The following VSNL1 variants were observed in gnomAD, a reference collection of about 807,000 sequenced individuals.
VSNL1 encodes the protein visinin-like protein 1.
Under a neutral mutation model 20.4 loss-of-function variants are expected in VSNL1, and 6 were observed. That is an observed-to-expected ratio of 0.29 (90% confidence interval 0.16 to 0.58). VSNL1 has a LOEUF of 0.58. VSNL1 is among the 20% of genes least tolerant of loss of function. The pLI, the probability that VSNL1 is intolerant of heterozygous loss-of-function variation, is 0.90. For synonymous variants in VSNL1, 93 were observed against 86.4 expected (o/e 1.08, Z -0.42); for missense variants, 100 against 234.5 (o/e 0.43, Z 3.75).
intron 1 of VSNL1, among the ~76,000 whole-genome samples, chr2:17,578,379 G>A (rs1664267148): frequency 6.6e-6 from 1 of 152,174 alleles, no homozygotes; most frequent in African/African-American, 2.4e-5. Context: ...TTCAAACATA[G>A]GATTGTTTTG....
Position 17,563,751 on chromosome 2 carries a change from T to C in VSNL1, c.-6+22833T>C, listed in dbSNP as rs147455524. Reference sequence around the variant, plus strand: ...CTCAAAAAAAAGAAAAATACAGTTTTATTATAAAGTTAATATTAGATAATG... The same window carrying C: ...CTCAAAAAAAAGAAAAATACAGTTTCATTATAAAGTTAATATTAGATAATG... On this transcript the variant is annotated intron_variant, in intron 1 of 3. Coordinates refer to ENST00000295156, the MANE Select transcript of VSNL1 (RefSeq NM_003385.5). Among the ~76,000 whole-genome samples, 133 of 152,158 alleles carry C rather than the reference T, an allele frequency of 8.7e-4. 3 individuals carry two copies. The East Asian group carries it at 0.023, about 26-fold the overall frequency.
At chr2:17,604,377 G>T (rs1017584830) in intron 2 of VSNL1, among the ~76,000 whole-genome samples, 16 of 152,230 alleles carry the variant, frequency 1.1e-4, no homozygotes, top group African/African-American at 3.9e-4. Flanking sequence ...GCCTTTATCG[G>T]CAGAGGCCGA....
intron 2 of VSNL1, among the ~76,000 whole-genome samples, chr2:17,595,886 G>A (rs1337463505): frequency 6.6e-6 from 1 of 152,194 alleles, no homozygotes; most frequent in Non-Finnish European, 1.5e-5. Flanking sequence ...AGAATCTTTT[G>A]AGACTTGCTT....
At position 17,569,485 on chromosome 2, in the gene VSNL1, C is replaced by A. The variant is rs77474964; in HGVS notation, c.-5-22585C>A. Reference sequence around the variant, plus strand: ...TCCATGGTTTAATTTCTCTCCTACTCTCTGTCTTATCTCGCTTTGGAGCTA... The same window carrying A: ...TCCATGGTTTAATTTCTCTCCTACTATCTGTCTTATCTCGCTTTGGAGCTA... On this transcript the variant is annotated intron_variant, in intron 1 of 3. Transcript: ENST00000295156. Among the ~76,000 whole-genome samples, 846 of 152,052 alleles carry A rather than the reference C, an allele frequency of 5.6e-3. 8 individuals carry two copies. The highest frequency in any genetic ancestry group is 0.019 in the African/African-American group (794 of 41,500).
chr2:17,610,443 G>A (rs1468330551), intron 2 of VSNL1, among the ~76,000 whole-genome samples: 1 of 152,122 alleles, frequency 6.6e-6, no homozygotes, highest in Non-Finnish European at 1.5e-5. Context: ...TAACACTCAA[G>A]CCATATCTGA....
chr2:17,579,182 CTT>C (rs1438739198), intron 1 of VSNL1, among the ~76,000 whole-genome samples: 1 of 151,750 alleles, frequency 6.6e-6, no homozygotes, highest in East Asian at 1.9e-4. Context: ...GTGGTGCAAT[CTT>C]GGCTCACTGC....
chr2:17,614,809 G>A (rs1272516073), intron 2 of VSNL1, among the ~76,000 whole-genome samples: 1 of 152,238 alleles, frequency 6.6e-6, no homozygotes, highest in Non-Finnish European at 1.5e-5. Flanking sequence ...AGAGAGACCA[G>A]AAGCTTTGGG....
chr2:17,541,352 T>C (rs781608957), intron 1 of VSNL1: 3 of 152,210 alleles, frequency 2.0e-5, no homozygotes, highest in Non-Finnish European at 4.4e-5. Context: ...GCAAAGGTGT[T>C]TGCTAAGTAA....
At chr2:17,596,345 C>A (rs369974101) in intron 2 of VSNL1, among the ~76,000 whole-genome samples, 43 of 152,316 alleles carry the variant, frequency 2.8e-4, no homozygotes, top group African/African-American at 1.0e-3. Context: ...GAACCAAGTA[C>A]CTGATCACCC....
rs549842670 is a variant in VSNL1 at position 17,637,096 on chromosome 2, G to A, written c.163-12314G>A. ...TAGAGCTGGCTGTCCGGTTCCTTCC[G>A]GCCCCTCTTGCCCAGCTCTTCCCCT... On this transcript the variant is annotated intron_variant, in intron 2 of 3. Coordinates refer to ENST00000295156, the MANE Select transcript of VSNL1 (RefSeq NM_003385.5). Among the ~76,000 whole-genome samples, 6 of 152,144 alleles carry A rather than the reference G, an allele frequency of 3.9e-5. No homozygotes were observed. In the East Asian group the frequency reaches 5.8e-4, roughly 15 times the overall value.
At chr2:17,609,022 C>T (rs1665019086) in intron 2 of VSNL1, among the ~76,000 whole-genome samples, 1 of 152,080 alleles carries the variant, frequency 6.6e-6, no homozygotes, top group Non-Finnish European at 1.5e-5. Flanking sequence ...ATATTCAGTT[C>T]ATTGATGTGG....
At chr2:17,591,287 C>G (rs1417553296) in intron 1 of VSNL1, among the ~76,000 whole-genome samples, 1 of 152,174 alleles carries the variant, frequency 6.6e-6, no homozygotes. Context: ...TGCTCTGTCT[C>G]CCTACTCCCT....
intron 1 of VSNL1, chr2:17,541,360 T>C (rs954769700): frequency 1.3e-5 from 2 of 152,202 alleles, no homozygotes; most frequent in African/African-American, 4.8e-5. Flanking sequence ...GTTTGCTAAG[T>C]AAAACTGAGT....
intron 2 of VSNL1, among the ~76,000 whole-genome samples, chr2:17,622,248 TCACGCGTGTAATCCCAG>T (rs1212020378): frequency 2.0e-5 from 3 of 148,262 alleles, no homozygotes; most frequent in African/African-American, 7.5e-5. Flanking sequence ...GCATGGTGCC[TCACGCGTGTAATCCCAG>T]CACTTTGGGA....
chr2:17,612,760 A>C (rs534014125), intron 2 of VSNL1, among the ~76,000 whole-genome samples: 1 of 152,312 alleles, frequency 6.6e-6, no homozygotes, highest in African/African-American at 2.4e-5. Context: ...TGTTGCTGGA[A>C]GGGGACAGGC....
intron 1 of VSNL1, among the ~76,000 whole-genome samples, chr2:17,580,618 A>T (rs563772479): frequency 6.6e-6 from 1 of 152,322 alleles, no homozygotes; most frequent in African/African-American, 2.4e-5. Flanking sequence ...CATCTATACA[A>T]GTTCTATGAA....
At chr2:17,552,274 C>A (rs1001558233) in intron 1 of VSNL1, among the ~76,000 whole-genome samples, 2 of 151,050 alleles carry the variant, frequency 1.3e-5, no homozygotes, top group East Asian at 2.0e-4. Flanking sequence ...TACTTCATTA[C>A]TTACAGCTTT....
At chr2:17,633,765 T>C (rs1015935575) in intron 2 of VSNL1, among the ~76,000 whole-genome samples, 6 of 152,050 alleles carry the variant, frequency 3.9e-5, no homozygotes, top group Non-Finnish European at 7.4e-5. Flanking sequence ...CAGGGTATTG[T>C]CATTGCTCAG....
At chr2:17,588,446 TC>T (rs1182471034) in intron 1 of VSNL1, among the ~76,000 whole-genome samples, 2 of 152,124 alleles carry the variant, frequency 1.3e-5, no homozygotes, top group Non-Finnish European at 2.9e-5. Context: ...CCAGCCTGCT[TC>T]CCCCTCATAT....
Sources: allele counts gnomAD v4.1 joint callset (sites outside exome capture counted in the v4.1 genomes callset), GRCh38; gene constraint gnomAD v4.1.1; transcripts MANE v1.5; gene names NCBI Gene and HGNC (gene_info 2026-07-23, HGNC 2026-07-21).